TTF2: variants seen among roughly 807,000 people sequenced by gnomAD.
TTF2 encodes RNA polymerase II termination factor.
In TTF2, 108 loss-of-function variants were observed where a neutral mutation model predicts 142.4. The observed-to-expected ratio is 0.76, with a 90% CI of 0.65 to 0.89. The LOEUF is 0.89. TTF2 is among the 40% of genes least tolerant of loss of function. The pLI is 0.00. For synonymous variants in TTF2, 483 were observed against 506.2 expected (o/e 0.95, Z 0.61); for missense variants, 1,327 against 1,379.8 (o/e 0.96, Z 0.61).
intron 8 of TTF2, 64 bp downstream of exon 8, chr1:117,078,107 G>A (rs888820748): frequency 6.3e-7 from 1 of 1,577,164 alleles, no homozygotes; most frequent in South Asian, 1.1e-5. Flanking sequence ...CCATGAAACT[G>A]CTGGCAGAGA....
At position 117,070,508 on chromosome 1, in the gene TTF2, ACAT is replaced by A. The variant is rs1239022761; in HGVS notation, c.219-3146_219-3144del. ...TATGTGCCATCCACTGTTGACTGAA[ACAT>A]CATCATGCAGCACGGGACTGTACTT... On this transcript the variant is annotated intron_variant, in intron 3 of 22. Coordinates refer to ENST00000369466, the MANE Select transcript of TTF2 (RefSeq NM_003594.4). This position sits in a 1 kb window ranked among gnomAD's most constrained non-coding sequence, Gnocchi z 4.2. Among the ~76,000 whole-genome samples, 1 of 152,228 alleles carries A rather than the reference ACAT, an allele frequency of 6.6e-6. No homozygotes were observed. Among genetic ancestry groups the A allele is most frequent in the Non-Finnish European group, 1.5e-5 (1 of 68,048 alleles).
intron 3 of TTF2, among the ~76,000 whole-genome samples, chr1:117,067,995 A>G (rs1051532544): frequency 6.6e-6 from 1 of 152,244 alleles, no homozygotes; most frequent in Non-Finnish European, 1.5e-5. Flanking sequence ...TTGACTAGCC[A>G]TTCGGCCATG....
At chr1:117,082,824 TA>T (rs1247929682) in intron 10 of TTF2, among the ~76,000 whole-genome samples, 2 of 151,810 alleles carry the variant, frequency 1.3e-5, no homozygotes, top group Admixed American at 6.6e-5. Context: ...CACTGTCTCT[TA>T]AAAAAAATTA....
intron 7 of TTF2, among the ~76,000 whole-genome samples, chr1:117,077,446 T>A (rs906359548): frequency 1.3e-5 from 2 of 152,200 alleles, no homozygotes; most frequent in African/African-American, 4.8e-5. Context: ...CTAGCTCGCA[T>A]CATTATGAGG....
In TTF2 at chr1:117,087,494, T is replaced by A. The variant is rs567160931; in HGVS notation, c.2160+972T>A. Among the ~76,000 whole-genome samples the A allele has an allele frequency of 6.6e-6, 1 of 152,326 alleles. No homozygotes were observed. The highest frequency in any genetic ancestry group is 6.5e-5 in the Admixed American group (1 of 15,304). On this transcript the variant is annotated intron_variant, in intron 12 of 22. Transcript: ENST00000369466. The surrounding 1 kb of genome is among the most constrained non-coding windows in gnomAD (Gnocchi z 4.8). The stretch of plus-strand genomic sequence containing the variant: ...TTTTAGTAGAGATGGGGTTTCGCCA[T>A]GTTGGCCAGGCTGGTCTCGAATTCC...
At position 117,086,402 on chromosome 1, in the gene TTF2, G is replaced by C; in HGVS notation, c.2055-15G>C. ...AGTGGGACCATTTATTGATTTCTTT[G>C]TTATGTCTACGCAGCCTCTCTACAT... On this transcript the variant is annotated splice_polypyrimidine_tract_variant and intron_variant, in intron 11 of 22. Transcript: ENST00000369466. This position sits in a 1 kb window ranked among gnomAD's most constrained non-coding sequence, Gnocchi z 4.2. The C allele has an allele frequency of 6.3e-7, 1 of 1,590,978 alleles. No homozygotes were observed. The highest frequency in any genetic ancestry group is 1.1e-5 in the South Asian group (1 of 90,462).
At chr1:117,066,049 C>T (rs535930397) in intron 3 of TTF2, among the ~76,000 whole-genome samples, 1 of 142,918 alleles carries the variant, frequency 7.0e-6, no homozygotes, top group African/African-American at 2.7e-5. Flanking sequence ...ATTACCCAGC[C>T]TGGTCTCAAT....
Position 117,095,329 on chromosome 1 carries a change from A to G in TTF2, c.2997A>G (p.Glu999=). The part of the protein sequence containing the change: ...ESTKISSLLA[E]LEAIQRNSAS... Reference sequence around the variant, plus strand: ...CCCAGATTTCATCTCTGTTGGCAGAATTGGAGGCAATTCAAAGAAATTCAG... The same window carrying G: ...CCCAGATTTCATCTCTGTTGGCAGAGTTGGAGGCAATTCAAAGAAATTCAG... The change falls in exon 19 of 23, where the codon GAA becomes GAG. Residue 999 remains glutamate, a synonymous_variant. Coordinates refer to ENST00000369466, the MANE Select transcript of TTF2 (RefSeq NM_003594.4). 1 of 1,614,208 alleles carries G rather than the reference A, an allele frequency of 6.2e-7. No individual in the cohort carries two copies. Among genetic ancestry groups the G allele is most frequent in the Non-Finnish European group, 8.5e-7 (1 of 1,180,010 alleles).
In TTF2 at chr1:117,105,554, T is replaced by G. The variant is rs1649876866; in HGVS notation, c.*4030T>G. On this transcript the variant is annotated 3_prime_UTR_variant, in exon 23 of 23. Coordinates refer to ENST00000369466, the MANE Select transcript of TTF2 (RefSeq NM_003594.4). This position sits in a 1 kb window ranked among gnomAD's most constrained non-coding sequence, Gnocchi z 4.7. ...CAACATGGCAAAACCTCCTCTCTAC[T>G]AAAAATACAAAAGTTAGCCAGGCGT... 1 of 151,934 alleles carries G rather than the reference T, an allele frequency of 6.6e-6. No individual in the cohort carries two copies. Among genetic ancestry groups the G allele is most frequent in the Non-Finnish European group, 1.5e-5 (1 of 68,010 alleles). The allele number at this position is 151,934 out of a possible 1,614,324, so 9.4% of individuals were successfully genotyped here. A position where few individuals can be genotyped will look rare whatever the true frequency, so the allele number is the denominator to read the frequency against.
Position 117,075,739 on chromosome 1 carries a change from A to G in TTF2, c.1155A>G (p.Gln385=), listed in dbSNP as rs376426507. ...ACTTAGAGACGAAGGAAAACCTCCAATTCCCTGATCGAAGTGTGCAAAGAA... is the reference window on the plus strand; with the variant it reads ...ACTTAGAGACGAAGGAAAACCTCCAGTTCCCTGATCGAAGTGTGCAAAGAA... ...TLDLETKENL[Q]FPDRSVQRKV... Residue 385 remains glutamine (Q), a synonymous_variant, in exon 5 of 23, where the codon CAA becomes CAG. Transcript: ENST00000369466. This position sits in a 1 kb window ranked among gnomAD's most constrained non-coding sequence, Gnocchi z 4.5. The G allele has an allele frequency of 2.5e-5, 41 of 1,614,082 alleles. No individual in the cohort carries two copies. The highest frequency in any genetic ancestry group is 1.6e-4 in the Middle Eastern group (1 of 6,084).
At chr1:117,091,477 CAG>C in intron 16 of TTF2, 67 bp downstream of exon 16, 1 of 1,482,068 alleles carries the variant, frequency 6.7e-7, no homozygotes, top group Non-Finnish European at 9.2e-7. Flanking sequence ...CAGTAAAACA[CAG>C]AAATGTGAGG....
intron 3 of TTF2, among the ~76,000 whole-genome samples, chr1:117,068,821 C>T (rs144996452): frequency 2.0e-5 from 3 of 152,290 alleles, no homozygotes; most frequent in East Asian, 1.9e-4. Context: ...ACTTGTGAGG[C>T]GGTGTACAGT....
chr1:117,097,403 G>T lies in TTF2; in HGVS notation c.3239G>T (p.Gly1080Val), dbSNP rs767084964. 3.7e-6 allele frequency: 6 copies of T among 1,614,124 alleles called. No individual in the cohort carries two copies. The highest frequency in any genetic ancestry group is 3.4e-6 in the Non-Finnish European group (4 of 1,180,012). The change falls in exon 21 of 23, where the codon GGA becomes GTA. Residue 1080 changes from glycine (G) to valine (V), a missense_variant. Gly to Val is a moderately radical substitution (Grantham distance 109, BLOSUM62 -3). Transcript: ENST00000369466. The surrounding 1 kb of genome is among the most constrained non-coding windows in gnomAD (Gnocchi z 4.1). Reference protein sequence around the residue: ...AGGVGLNLTGGNHLFLLDMHW... With the variant: ...AGGVGLNLTGVNHLFLLDMHW... Reference sequence around the variant, plus strand: ...GGTGTTGGTCTAAACCTGACTGGAGGAAATCACCTCTTTCTTTTGGACATG... The same window carrying T: ...GGTGTTGGTCTAAACCTGACTGGAGTAAATCACCTCTTTCTTTTGGACATG...
intron 3 of TTF2, among the ~76,000 whole-genome samples, chr1:117,067,165 G>T (rs528857359): frequency 1.3e-5 from 2 of 152,298 alleles, no homozygotes; most frequent in East Asian, 1.9e-4. Context: ...GAACAAAAAA[G>T]TATGTTACAT....
intron 3 of TTF2, among the ~76,000 whole-genome samples, chr1:117,068,333 G>A (rs1656310221): frequency 6.6e-6 from 1 of 152,204 alleles, no homozygotes; most frequent in South Asian, 2.1e-4. Flanking sequence ...TCATAGGTGG[G>A]AGCTTAACCA....
At chr1:117,068,949 T>A (rs1021667228) in intron 3 of TTF2, among the ~76,000 whole-genome samples, 14 of 152,248 alleles carry the variant, frequency 9.2e-5, no homozygotes, top group Non-Finnish European at 5.9e-5. Flanking sequence ...ATTTTGCTTA[T>A]GGTATTTTCA....
At position 117,095,372 on chromosome 1, in the gene TTF2, C is replaced by T. The variant is rs770356418; in HGVS notation, c.3035+5C>T. 6.2e-6 allele frequency: 10 copies of T among 1,613,760 alleles called. No homozygotes were observed. In the Admixed American group the frequency reaches 1.0e-4, roughly 16 times the overall value. ...AAATTCAGCATCCCAAAAGAGGTAA[C>T]TGCGTTTTCTCATTATCCAAGTATT... On this transcript the variant is annotated splice_donor_5th_base_variant and intron_variant, in intron 19 of 22. Coordinates refer to ENST00000369466, the MANE Select transcript of TTF2 (RefSeq NM_003594.4).
In TTF2 at chr1:117,092,069, T is replaced by C; in HGVS notation, c.2805+119T>C. ...TTGATCAAAGGAAATGCTGTTTCGG[T>C]TTTTCTATTTTTGTTTTTTGGTGGG... is the stretch of plus-strand genomic sequence containing the variant. On this transcript the variant is annotated intron_variant, in intron 17 of 22. Coordinates refer to ENST00000369466, the MANE Select transcript of TTF2 (RefSeq NM_003594.4). This position sits in a 1 kb window ranked among gnomAD's most constrained non-coding sequence, Gnocchi z 4.4. 1 of 1,168,352 alleles carries C rather than the reference T, an allele frequency of 8.6e-7. No individual in the cohort carries two copies. The highest frequency in any genetic ancestry group is 1.2e-6 in the Non-Finnish European group (1 of 865,494). The allele number at this position is 1,168,352 out of a possible 1,614,324, so 72.4% of individuals were successfully genotyped here. A position where few individuals can be genotyped will look rare whatever the true frequency, so the allele number is the denominator to read the frequency against.
chr1:117,084,773 T>G (rs1041172270), intron 11 of TTF2, among the ~76,000 whole-genome samples: 2 of 152,204 alleles, frequency 1.3e-5, no homozygotes, highest in African/African-American at 4.8e-5. Flanking sequence ...TGTTCTTAAT[T>G]GCGGAGTGAA....
Sources: allele counts gnomAD v4.1 joint callset (sites outside exome capture counted in the v4.1 genomes callset), GRCh38; gene constraint gnomAD v4.1.1; non-coding constraint Gnocchi (gnomAD v3.1); transcripts MANE v1.5; gene names NCBI Gene and HGNC (gene_info 2026-07-23, HGNC 2026-07-21).